The following EPB41L2 variants were observed in gnomAD, a reference collection of about 807,000 sequenced individuals.
EPB41L2 encodes band 4.1-like protein 2.
In EPB41L2, 43 loss-of-function variants were observed where a neutral mutation model predicts 113.0. The ratio of observed to expected loss-of-function variants is 0.38; its 90% CI spans 0.30 to 0.49. EPB41L2 has a LOEUF of 0.49. Ranked by LOEUF, EPB41L2 falls within the 20% of genes least tolerant of loss-of-function variation. The probability of loss-of-function intolerance (pLI) is 0.95; values close to 1 mark genes in which losing one functional copy is unlikely to be tolerated. For synonymous variants in EPB41L2, 442 were observed against 436.7 expected, an observed-to-expected ratio of 1.01 and a Z score of -0.15; for missense variants, 1,147 against 1,223.4, an observed-to-expected ratio of 0.94 and a Z score of 0.93.
chr6:130,924,288 C>T (rs904044516), intron 4 of EPB41L2, among the ~76,000 whole-genome samples: 16 of 152,128 alleles, frequency 1.1e-4, no homozygotes, highest in African/African-American at 2.4e-4. Context: ...ATGAATAATG[C>T]TGCAATAAAC....
intron 4 of EPB41L2, among the ~76,000 whole-genome samples, chr6:130,911,956 C>T (rs1799551961): frequency 6.6e-6 from 1 of 152,164 alleles, no homozygotes; most frequent in Admixed American, 6.5e-5. Context: ...AACTGGGCTG[C>T]ACAGCAGGAC....
intron 15 of EPB41L2, chr6:130,867,847 A>C (rs541274267): frequency 3.4e-5 from 13 of 386,938 alleles, no homozygotes; most frequent in Non-Finnish European, 5.4e-5. Context: ...CATATATGAA[A>C]AATAAGTTGA....
intron 4 of EPB41L2, among the ~76,000 whole-genome samples, chr6:130,926,383 C>T (rs1416461280): frequency 2.0e-5 from 3 of 152,180 alleles, no homozygotes; most frequent in Non-Finnish European, 4.4e-5. Context: ...AAGTGCAAAG[C>T]ATGTACACAT....
At chr6:131,042,567 A>G (rs574815274) in intron 1 of EPB41L2, among the ~76,000 whole-genome samples, 16 of 152,320 alleles carry the variant, frequency 1.1e-4, no homozygotes, top group African/African-American at 3.6e-4. Context: ...AAGGATCACT[A>G]TAGAACACAT....
chr6:130,868,214 A>G (rs890485272), intron 15 of EPB41L2: 2 of 152,912 alleles, frequency 1.3e-5, no homozygotes, highest in African/African-American at 2.4e-5. Flanking sequence ...CAGACACACC[A>G]TTTTCAGAAA....
chr6:131,001,358 T>C (rs899221029), intron 1 of EPB41L2, among the ~76,000 whole-genome samples: 3 of 152,106 alleles, frequency 2.0e-5, no homozygotes, highest in Non-Finnish European at 2.9e-5. Flanking sequence ...CGAACAAGCA[T>C]GTGCAGGCAA....
rs60350565 is a variant in EPB41L2, at chr6:130,892,403, C to CTTTTTTTT, written c.1487+1933_1488-1938dup. ...CTTGCCATTTCTGAACAGATTATTG[C>CTTTTTTTT]TTTTTTTTTTTTTTTTTTTATCATT... On this transcript the variant is annotated intron_variant, in intron 10 of 19. Transcript: ENST00000337057. Among the ~76,000 whole-genome samples the CTTTTTTTT allele has an allele frequency of 2.4e-3, 221 of 92,584 alleles. 16 individuals carry two copies. Among genetic ancestry groups the CTTTTTTTT allele is most frequent in the Admixed American group, 3.4e-3 (29 of 8,418 alleles). 60.7% of individuals were successfully genotyped at this position (92,584 alleles called of 152,430 possible).
chr6:130,916,586 C>T (rs902661224), intron 4 of EPB41L2, among the ~76,000 whole-genome samples: 7 of 152,172 alleles, frequency 4.6e-5, no homozygotes, highest in African/African-American at 1.4e-4. Context: ...CTTCTGGGAC[C>T]ATGAACCACA....
At chr6:130,934,616 G>A (rs775971060) in intron 3 of EPB41L2, among the ~76,000 whole-genome samples, 11 of 151,982 alleles carry the variant, frequency 7.2e-5, no homozygotes, top group Non-Finnish European at 1.6e-4. Flanking sequence ...GAGACTACAG[G>A]TGCATGCCAC....
intron 5 of EPB41L2, among the ~76,000 whole-genome samples, chr6:130,905,166 AGAAT>A (rs1416757082): frequency 6.6e-6 from 1 of 152,210 alleles, no homozygotes; most frequent in Admixed American, 6.5e-5. Context: ...TGTGCCATAA[AGAAT>A]GAATAAGTCA....
chr6:130,873,182 T>C (rs891508398), intron 14 of EPB41L2, among the ~76,000 whole-genome samples: 7 of 152,034 alleles, frequency 4.6e-5, no homozygotes, highest in Non-Finnish European at 1.0e-4. Context: ...CCCTGTCCCC[T>C]TTTTTTGCAA....
At chr6:130,911,949 T>C (rs943066730) in intron 4 of EPB41L2, among the ~76,000 whole-genome samples, 4 of 152,190 alleles carry the variant, frequency 2.6e-5, no homozygotes, top group African/African-American at 9.7e-5. Flanking sequence ...TATTAGGAAC[T>C]GGGCTGCACA....
At chr6:130,954,092 G>A (rs111697263) in intron 3 of EPB41L2, among the ~76,000 whole-genome samples, 7 of 103,600 alleles carry the variant, frequency 6.8e-5, no homozygotes, top group Admixed American at 3.1e-4. Flanking sequence ...TCGCTCTGTC[G>A]CCCAGGCTGG....
intron 14 of EPB41L2, chr6:130,870,520 G>T: frequency 1.1e-6 from 1 of 876,190 alleles, no homozygotes. Flanking sequence ...GTCACATAGA[G>T]GACAATCAAG....
rs774609864 is a variant in EPB41L2, at chr6:130,885,173, C to T, written c.1756G>A (p.Val586Met). 5 of 1,614,030 alleles carry T rather than the reference C, an allele frequency of 3.1e-6. No homozygotes were observed. Among genetic ancestry groups the T allele is most frequent in the Non-Finnish European group, 4.2e-6 (5 of 1,180,028 alleles). Residue 586 changes from valine to methionine, a missense_variant, in exon 12 of 20, where the codon GTG becomes ATG. By Grantham distance (21) the Val-to-Met change is conservative. Coordinates refer to ENST00000337057, the MANE Select transcript of EPB41L2 (RefSeq NM_001431.4). ...AYGPGLVSIA[V>M]VQDGDGRREV... is the part of the protein sequence containing the mutation. The stretch of plus-strand genomic sequence containing the variant: ...CTCCTGCCGTCCCCATCTTGTACCA[C>T]GGCAATGCTGACAAGTCCAGGTCCA...
At chr6:130,895,889 C>A (rs562624236) in intron 8 of EPB41L2, among the ~76,000 whole-genome samples, 1 of 152,250 alleles carries the variant, frequency 6.6e-6, no homozygotes, top group East Asian at 1.9e-4. Context: ...AAAGTGAAAA[C>A]CTGTCTCCTC....
At chr6:130,951,271 AG>A (rs141935350) in intron 3 of EPB41L2, among the ~76,000 whole-genome samples, 1,060 of 3,058 alleles carry the variant, frequency 0.35, 45 homozygotes, top group African/African-American at 0.49. Flanking sequence ...AAGGAGGGGG[AG>A]GGGGGGAGGG....
intron 1 of EPB41L2, among the ~76,000 whole-genome samples, chr6:131,006,593 C>A (rs1785587399): frequency 6.6e-6 from 1 of 151,072 alleles, no homozygotes; most frequent in South Asian, 2.1e-4. Context: ...TCGCTTGAAC[C>A]CAGGAGGCAG....
At chr6:130,858,382 A>G in intron 18 of EPB41L2, 139 bp from the exon 19 acceptor site, 1 of 610,900 alleles carries the variant, frequency 1.6e-6, no homozygotes, top group Non-Finnish European at 2.9e-6. Context: ...GAAAGCAGGA[A>G]GATTTGAAAT....
Sources: gnomAD v4.1 joint callset for allele counts (sites outside exome capture counted in the v4.1 genomes callset) on GRCh38, gnomAD v4.1.1 for gene constraint, MANE v1.5 for transcripts, NCBI Gene and HGNC (gene_info 2026-07-23, HGNC 2026-07-21) for gene names.